Variants in RAD54B observed in about 807,000 individuals in gnomAD.
RAD54B encodes RAD54 homolog B.
In RAD54B, 78 loss-of-function variants were observed where a neutral mutation model predicts 95.8. The observed-to-expected ratio is 0.81, with a 90% CI of 0.68 to 0.98. The LOEUF (loss-of-function observed/expected upper bound fraction) is 0.98, where lower values mean the gene tolerates loss of function less well. RAD54B is among the 50% of genes least tolerant of loss of function. The probability of loss-of-function intolerance (pLI) is 0.00; values close to 1 mark genes in which losing one functional copy is unlikely to be tolerated. For missense variants in RAD54B, 957 were observed against 1,056.6 expected, an observed-to-expected ratio of 0.91 and a Z score of 1.31; for synonymous variants, 328 against 354.9, an observed-to-expected ratio of 0.92 and a Z score of 0.85.
At position 94,411,204 on chromosome 8, in the gene RAD54B, T is replaced by G. The variant is rs555902676; in HGVS notation, c.416A>C (p.Lys139Thr). 1 of 1,611,426 alleles carries G rather than the reference T, an allele frequency of 6.2e-7. No individual in the cohort carries two copies. The highest frequency in any genetic ancestry group is 1.3e-5 in the African/African-American group (1 of 74,886). ...AAGAACAGCATCACCTTCCCACTTTTTATGTTTTTTCTTTGAAGGCTTACA... is the reference window on the plus strand; with the variant it reads ...AAGAACAGCATCACCTTCCCACTTTGTATGTTTTTTCTTTGAAGGCTTACA... Reference protein sequence around the residue: ...VWCKPSKKKHKKWEGDAVLIV... With the variant: ...VWCKPSKKKHTKWEGDAVLIV... Residue 139 changes from lysine to threonine, a missense_variant, in exon 4 of 15, where the codon AAA becomes ACA. Physicochemically the swap from Lys to Thr is moderately conservative, Grantham distance 78 (BLOSUM62 -1). Coordinates refer to ENST00000336148, the MANE Select transcript of RAD54B (RefSeq NM_012415.3).
chr8:94,404,716 C>T (rs1811344197), intron 5 of RAD54B, among the ~76,000 whole-genome samples: 1 of 152,122 alleles, frequency 6.6e-6, no homozygotes, highest in South Asian at 2.1e-4. Flanking sequence ...GATCATTACT[C>T]CTATTAATTA....
chr8:94,402,116 A>G (rs979504563), intron 6 of RAD54B, among the ~76,000 whole-genome samples: 6 of 152,140 alleles, frequency 3.9e-5, no homozygotes, highest in Admixed American at 3.3e-4. Flanking sequence ...GACTACCATC[A>G]CGATTTGTTG....
chr8:94,427,910 G>C, intron 3 of RAD54B: 1 of 927,554 alleles, frequency 1.1e-6, no homozygotes, highest in Non-Finnish European at 1.3e-6. Context: ...AGTAAAGATA[G>C]AACAGGGTAG....
At chr8:94,439,735 C>T (rs1024688508) in intron 3 of RAD54B, among the ~76,000 whole-genome samples, 2 of 152,100 alleles carry the variant, frequency 1.3e-5, no homozygotes, top group Non-Finnish European at 2.9e-5. Flanking sequence ...TTCTGGTTTA[C>T]AATTGGTTGA....
chr8:94,374,038 G>A (rs767946934), intron 14 of RAD54B, among the ~76,000 whole-genome samples: 34 of 152,084 alleles, frequency 2.2e-4, no homozygotes, highest in Non-Finnish European at 3.5e-4. Context: ...CCAGCACTTC[G>A]GGAGGCCAAG....
chr8:94,414,263 C>T (rs866779271), intron 3 of RAD54B, among the ~76,000 whole-genome samples: 4 of 152,140 alleles, frequency 2.6e-5, no homozygotes, highest in East Asian at 1.9e-4. Flanking sequence ...ACAATCATGC[C>T]GTCTGCAAAC....
At chr8:94,466,422 G>C (rs1266469340) in intron 2 of RAD54B, among the ~76,000 whole-genome samples, 14 of 142,350 alleles carry the variant, frequency 9.8e-5, no homozygotes, top group African/African-American at 3.6e-4. Flanking sequence ...TTTTTTTTTT[G>C]GGGGGGACGG....
chr8:94,444,569 A>C (rs1352915272), intron 3 of RAD54B, among the ~76,000 whole-genome samples: 2 of 152,218 alleles, frequency 1.3e-5, no homozygotes, highest in African/African-American at 4.8e-5. Flanking sequence ...ATTCTTGGCA[A>C]ACAACTCCAT....
intron 11 of RAD54B, among the ~76,000 whole-genome samples, chr8:94,382,290 A>C (rs1374275666): frequency 1.3e-5 from 2 of 152,188 alleles, no homozygotes. Flanking sequence ...TTGATGAAGA[A>C]AAATAGGTCA....
At chr8:94,402,035 T>C (rs1253590118) in intron 6 of RAD54B, among the ~76,000 whole-genome samples, 1 of 152,140 alleles carries the variant, frequency 6.6e-6, no homozygotes, top group Non-Finnish European at 1.5e-5. Context: ...AGACAAAAGA[T>C]GAGGATACTT....
At chr8:94,409,484 C>T (rs1390766195) in intron 4 of RAD54B, among the ~76,000 whole-genome samples, 4 of 151,966 alleles carry the variant, frequency 2.6e-5, no homozygotes, top group Non-Finnish European at 5.9e-5. Context: ...AATCTTCCTG[C>T]CTCAGTCTCC....
At chr8:94,434,651 A>G (rs1036498604) in intron 3 of RAD54B, among the ~76,000 whole-genome samples, 14 of 151,638 alleles carry the variant, frequency 9.2e-5, no homozygotes, top group African/African-American at 3.4e-4. Context: ...TTCTGAGATT[A>G]TTAAGATTCA....
At chr8:94,428,558 G>T in intron 3 of RAD54B, 1 of 275,634 alleles carries the variant, frequency 3.6e-6, no homozygotes, top group East Asian at 1.8e-4. Flanking sequence ...TTAGGATACA[G>T]GACAAGTGAG....
chr8:94,419,923 C>T (rs755695549), intron 3 of RAD54B, among the ~76,000 whole-genome samples: 3 of 152,090 alleles, frequency 2.0e-5, no homozygotes, highest in Admixed American at 6.5e-5. Context: ...GGTCCCGTAA[C>T]ATCTTAATAC....
At chr8:94,404,327 G>T in intron 5 of RAD54B, 88 bp from the exon 6 acceptor site, 1 of 1,266,156 alleles carries the variant, frequency 7.9e-7, no homozygotes, top group African/African-American at 1.5e-5. Flanking sequence ...AGATAGAAAT[G>T]TTTGCCATCA....
intron 3 of RAD54B, among the ~76,000 whole-genome samples, chr8:94,436,297 C>T (rs1346776016): frequency 6.6e-6 from 1 of 152,114 alleles, no homozygotes; most frequent in Non-Finnish European, 1.5e-5. Context: ...GAGGGGAAGA[C>T]AGTAAAAAGT....
chr8:94,427,756 A>G, intron 3 of RAD54B: 1 of 974,058 alleles, frequency 1.0e-6, no homozygotes, highest in Non-Finnish European at 1.2e-6. Flanking sequence ...ATGTGTTAAC[A>G]AAGCATTTAA....
At chr8:94,385,986 T>C (rs1810882020) in intron 11 of RAD54B, among the ~76,000 whole-genome samples, 1 of 152,168 alleles carries the variant, frequency 6.6e-6, no homozygotes, top group Non-Finnish European at 1.5e-5. Flanking sequence ...ATTTAGAAAT[T>C]TCTGGAAGAC....
chr8:94,420,800 C>G (rs1586155195), intron 3 of RAD54B, among the ~76,000 whole-genome samples: 1 of 151,848 alleles, frequency 6.6e-6, no homozygotes, highest in Non-Finnish European at 1.5e-5. Context: ...GCTTGGCCAA[C>G]ATGGTGAAAC....
Sources: allele counts gnomAD v4.1 joint callset (sites outside exome capture counted in the v4.1 genomes callset), GRCh38; gene constraint gnomAD v4.1.1; transcripts MANE v1.5; gene names NCBI Gene and HGNC (gene_info 2026-07-23, HGNC 2026-07-21).